Variants in GMDS observed in about 807,000 individuals in gnomAD.
The protein encoded by GMDS is GDP-mannose 4,6-dehydratase.
GMDS carries 20 observed loss-of-function variants against 49.9 expected under a neutral mutation model. The ratio of observed to expected loss-of-function variants is 0.40; its 90% CI spans 0.28 to 0.58. The LOEUF is 0.58. Ranked by LOEUF, GMDS falls within the 20% of genes least tolerant of loss-of-function variation. GMDS has a pLI of 0.42. For missense variants in GMDS, 362 were observed against 481.4 expected (o/e 0.75, Z 2.32); for synonymous variants, 177 against 178.6 (o/e 0.99, Z 0.07).
intron 9 of GMDS, among the ~76,000 whole-genome samples, chr6:1,633,728 G>A (rs1324986311): frequency 6.6e-6 from 1 of 152,186 alleles, no homozygotes; most frequent in African/African-American, 2.4e-5. Context: ...GACTGGGCAT[G>A]GGGAGTGACG....
chr6:1,727,941 G>A (rs897646434), intron 8 of GMDS, among the ~76,000 whole-genome samples: 9 of 152,132 alleles, frequency 5.9e-5, no homozygotes, highest in African/African-American at 9.7e-5. Context: ...ACACAAAAAG[G>A]GATGTTTGGT....
At chr6:1,645,671 T>C (rs567083778) in intron 9 of GMDS, among the ~76,000 whole-genome samples, 1 of 152,360 alleles carries the variant, frequency 6.6e-6, no homozygotes, top group East Asian at 1.9e-4. Context: ...ATGGCCTCTA[T>C]GTGAGGACAT....
intron 7 of GMDS, among the ~76,000 whole-genome samples, chr6:1,869,806 G>C (rs536883864): frequency 4.3e-4 from 66 of 152,348 alleles, no homozygotes; most frequent in African/African-American, 1.5e-3. Flanking sequence ...ACACTCTGTG[G>C]AGGACCCACT....
At chr6:1,975,205 T>C (rs984490160) in intron 4 of GMDS, among the ~76,000 whole-genome samples, 4 of 152,296 alleles carry the variant, frequency 2.6e-5, no homozygotes, top group Middle Eastern at 3.4e-3. Context: ...GTAAAGTGGC[T>C]TTGTGAGAAT....
At chr6:2,200,753 T>A (rs1413003052) in intron 1 of GMDS, among the ~76,000 whole-genome samples, 8 of 135,284 alleles carry the variant, frequency 5.9e-5, no homozygotes, top group South Asian at 2.5e-4. Flanking sequence ...GATGTAACCA[T>A]CTAGGCAGTG....
At chr6:2,039,069 T>C (rs879592236) in intron 4 of GMDS, among the ~76,000 whole-genome samples, 2 of 152,214 alleles carry the variant, frequency 1.3e-5, no homozygotes, top group African/African-American at 4.8e-5. Flanking sequence ...CTAGGCTGTA[T>C]GGTAGAGCCT....
intron 4 of GMDS, among the ~76,000 whole-genome samples, chr6:2,001,442 T>C (rs890334727): frequency 1.3e-5 from 2 of 152,212 alleles, no homozygotes; most frequent in African/African-American, 4.8e-5. Flanking sequence ...TGGGTTGCCA[T>C]TCTCTTTCTT....
At position 1,742,614 on chromosome 6, in the gene GMDS, T is replaced by A. The variant is rs761161878; in HGVS notation, c.772-28A>T. ...AGAGGGAAAGAGAGGCAAGTTCACT[T>A]TGAAGTCACACTCAGTGGCCACACA... On this transcript the variant is annotated intron_variant, in intron 7 of 10. Coordinates refer to ENST00000380815, the MANE Select transcript of GMDS (RefSeq NM_001500.4). 6 of 1,247,234 alleles carry A rather than the reference T, an allele frequency of 4.8e-6. No homozygotes were observed. In the South Asian group the frequency reaches 6.1e-5, roughly 13 times the overall value. The allele number at this position is 1,247,234 out of a possible 1,614,324, so 77.3% of individuals were successfully genotyped here. A position where few individuals can be genotyped will look rare whatever the true frequency, so the allele number is the denominator to read the frequency against.
chr6:1,676,256 C>T (rs1764619924), intron 9 of GMDS, among the ~76,000 whole-genome samples: 1 of 152,196 alleles, frequency 6.6e-6, no homozygotes, highest in Non-Finnish European at 1.5e-5. Context: ...AGGAGAACTA[C>T]AAACCACTGC....
chr6:2,051,480 A>G (rs1770391265), intron 4 of GMDS, among the ~76,000 whole-genome samples: 1 of 152,204 alleles, frequency 6.6e-6, no homozygotes, highest in African/African-American at 2.4e-5. Flanking sequence ...AACCATCTAT[A>G]TATTCCGGGA....
intron 7 of GMDS, among the ~76,000 whole-genome samples, chr6:1,820,449 C>T (rs948440324): frequency 2.2e-4 from 33 of 152,120 alleles, no homozygotes; most frequent in Admixed American, 1.3e-3. Flanking sequence ...AATAACATTT[C>T]GGTCTGGGTA....
chr6:1,860,999 T>C (rs759676002), intron 7 of GMDS, among the ~76,000 whole-genome samples: 6 of 152,200 alleles, frequency 3.9e-5, no homozygotes, highest in Non-Finnish European at 8.8e-5. Flanking sequence ...ACTCCACTGT[T>C]AGGGCAATGA....
At chr6:1,930,742 G>A (rs1402511036) in intron 6 of GMDS, 1 of 152,184 alleles carries the variant, frequency 6.6e-6, no homozygotes, top group African/African-American at 2.4e-5. Flanking sequence ...AAGGAAACAA[G>A]AAAGGAATTT....
At position 2,194,013 on chromosome 6, in the gene GMDS, G is replaced by A. The variant is rs76250056; in HGVS notation, c.102+51308C>T. On this transcript the variant is annotated intron_variant, in intron 1 of 10. Coordinates refer to ENST00000380815, the MANE Select transcript of GMDS (RefSeq NM_001500.4). ...CTGGATTACAGGCGTGAGCCACCGC[G>A]TCCAGCCAAAAATGCTATTTTTTTT... Among the ~76,000 whole-genome samples, 1,331 of 149,500 alleles carry A rather than the reference G, an allele frequency of 8.9e-3. 25 individuals carry two copies. The highest frequency in any genetic ancestry group is 0.032 in the African/African-American group (1,285 of 39,602).
At chr6:2,186,282 C>G (rs759088679) in intron 1 of GMDS, among the ~76,000 whole-genome samples, 4 of 152,122 alleles carry the variant, frequency 2.6e-5, no homozygotes, top group Non-Finnish European at 4.4e-5. Context: ...TGTAGCAATT[C>G]AAAAATCACT....
At chr6:2,203,933 TC>T (rs1295231026) in intron 1 of GMDS, among the ~76,000 whole-genome samples, 1 of 152,226 alleles carries the variant, frequency 6.6e-6, no homozygotes, top group Non-Finnish European at 1.5e-5. Flanking sequence ...TTTAACGTTT[TC>T]CTTAATTGAG....
chr6:2,150,053 C>T (rs533216978), intron 1 of GMDS, among the ~76,000 whole-genome samples: 4 of 152,074 alleles, frequency 2.6e-5, no homozygotes, highest in Non-Finnish European at 5.9e-5. Context: ...AACACTGCCA[C>T]GACCCAGTAT....
chr6:2,203,663 A>T (rs552088805), intron 1 of GMDS, among the ~76,000 whole-genome samples: 1 of 152,184 alleles, frequency 6.6e-6, no homozygotes, highest in Non-Finnish European at 1.5e-5. Context: ...CACTACGAAA[A>T]AAAAATGTGT....
intron 1 of GMDS, among the ~76,000 whole-genome samples, chr6:2,239,688 C>A (rs1032194378): frequency 1.3e-5 from 2 of 151,870 alleles, no homozygotes; most frequent in South Asian, 2.1e-4. Context: ...TAATGCCAGA[C>A]CTTTTTTTTT....
Sources: allele counts gnomAD v4.1 joint callset (sites outside exome capture counted in the v4.1 genomes callset), GRCh38; gene constraint gnomAD v4.1.1; transcripts MANE v1.5; gene names NCBI Gene and HGNC (gene_info 2026-07-23, HGNC 2026-07-21).